Variants in DNM3 observed in about 807,000 individuals in gnomAD.
DNM3 encodes the protein dynamin 3, also known as dynamin-3.
In DNM3, 47 loss-of-function variants were observed where a neutral mutation model predicts 101.6. The observed-to-expected ratio is 0.46, with a 90% CI of 0.37 to 0.59. The LOEUF is 0.59. Ranked by LOEUF, DNM3 falls within the 20% of genes least tolerant of loss-of-function variation. The pLI, the probability that DNM3 is intolerant of heterozygous loss-of-function variation, is 0.00. For missense variants in DNM3, 849 were observed against 1,085.7 expected, an observed-to-expected ratio of 0.78 and a Z score of 3.06; for synonymous variants, 385 against 387.9, an observed-to-expected ratio of 0.99 and a Z score of 0.09.
intron 9 of DNM3, among the ~76,000 whole-genome samples, chr1:172,046,255 G>A (rs1011748124): frequency 6.6e-6 from 1 of 152,106 alleles, no homozygotes; most frequent in Non-Finnish European, 1.5e-5. Flanking sequence ...GTCCTTTGTA[G>A]GGACATGGAT....
chr1:171,882,925 A>G (rs1338429841), intron 1 of DNM3, among the ~76,000 whole-genome samples: 2 of 152,008 alleles, frequency 1.3e-5, no homozygotes, highest in Non-Finnish European at 1.5e-5. Context: ...CATTTTTCCT[A>G]TGACTCATAA....
intron 7 of DNM3, among the ~76,000 whole-genome samples, chr1:172,040,423 C>T (rs942495448): frequency 6.6e-6 from 1 of 151,306 alleles, no homozygotes; most frequent in Admixed American, 6.6e-5. Flanking sequence ...GAAAGTAGTT[C>T]CAGTATGTTT....
intron 12 of DNM3, among the ~76,000 whole-genome samples, chr1:172,084,364 G>C (rs2147761405): frequency 6.6e-6 from 1 of 152,120 alleles, no homozygotes; most frequent in Non-Finnish European, 1.5e-5. Flanking sequence ...TTGATTACTA[G>C]ATGTACCATT....
At chr1:171,904,269 C>CT (rs555493315) in intron 1 of DNM3, among the ~76,000 whole-genome samples, 116 of 152,286 alleles carry the variant, frequency 7.6e-4, no homozygotes, top group African/African-American at 2.6e-3. Context: ...GATTGTGCCA[C>CT]TGCATTCCAG....
At chr1:171,896,542 T>C (rs2037816705) in intron 1 of DNM3, among the ~76,000 whole-genome samples, 1 of 152,168 alleles carries the variant, frequency 6.6e-6, no homozygotes, top group South Asian at 2.1e-4. Flanking sequence ...CTTAAGGAGA[T>C]TTTGGGCTGA....
intron 1 of DNM3, among the ~76,000 whole-genome samples, chr1:171,885,702 G>A (rs1558212955): frequency 6.6e-6 from 1 of 152,126 alleles, no homozygotes; most frequent in East Asian, 1.9e-4. Context: ...AACCCATGTA[G>A]CAGGAAACTG....
At chr1:171,907,457 C>T (rs2038926830) in intron 1 of DNM3, among the ~76,000 whole-genome samples, 1 of 151,958 alleles carries the variant, frequency 6.6e-6, no homozygotes, top group Non-Finnish European at 1.5e-5. Flanking sequence ...CGCCATTGCA[C>T]CCCAGCCTGG....
chr1:171,892,164 T>C (rs2037343148), intron 1 of DNM3, among the ~76,000 whole-genome samples: 1 of 106,562 alleles, frequency 9.4e-6, no homozygotes, highest in Non-Finnish European at 2.0e-5. Context: ...CTCGTAATTG[T>C]GTGTGTGTGC....
chr1:172,287,169 A>G (rs1433612246), intron 15 of DNM3, among the ~76,000 whole-genome samples: 1 of 151,762 alleles, frequency 6.6e-6, no homozygotes, highest in Admixed American at 6.6e-5. Flanking sequence ...CTAACTCATC[A>G]CTCCCGCATT....
At chr1:171,901,781 A>G (rs1398287287) in intron 1 of DNM3, among the ~76,000 whole-genome samples, 1 of 152,206 alleles carries the variant, frequency 6.6e-6, no homozygotes, top group East Asian at 1.9e-4. Context: ...GAACAAGAAA[A>G]TGCCAACTGC....
At chr1:171,987,254 T>C in intron 2 of DNM3, 1 of 978,350 alleles carries the variant, frequency 1.0e-6, no homozygotes, top group Middle Eastern at 5.3e-4. Context: ...TAACTTGGCA[T>C]TCCATCCTGA....
At chr1:172,105,571 A>T (rs1483005963) in intron 13 of DNM3, among the ~76,000 whole-genome samples, 1 of 152,134 alleles carries the variant, frequency 6.6e-6, no homozygotes, top group African/African-American at 2.4e-5. Context: ...TTTTTTCAAA[A>T]ATGAGTTTTG....
chr1:172,119,211 C>T (rs919508855), intron 13 of DNM3, among the ~76,000 whole-genome samples: 2 of 151,870 alleles, frequency 1.3e-5, no homozygotes, highest in African/African-American at 4.8e-5. Flanking sequence ...AGGCTGGTCT[C>T]GAACTCCTGA....
chr1:172,322,005 C>T (rs976586871), intron 16 of DNM3, among the ~76,000 whole-genome samples: 5 of 152,022 alleles, frequency 3.3e-5, no homozygotes, highest in Non-Finnish European at 5.9e-5. Flanking sequence ...GGTTATATCA[C>T]GGCAACTCAC....
chr1:172,300,133 A>G (rs1040765101), intron 15 of DNM3, among the ~76,000 whole-genome samples: 1 of 152,006 alleles, frequency 6.6e-6, no homozygotes, highest in African/African-American at 2.4e-5. Flanking sequence ...TACTCTGATG[A>G]TTAGTAATGT....
intron 2 of DNM3, among the ~76,000 whole-genome samples, chr1:171,925,617 G>T (rs114780788): frequency 0.049 from 7,490 of 152,164 alleles, 271 homozygotes; most frequent in Non-Finnish European, 0.069. Flanking sequence ...TCCTTTATTG[G>T]ATGCATAGTT....
At chr1:172,229,042 C>A (rs980406536) in intron 14 of DNM3, among the ~76,000 whole-genome samples, 1 of 152,136 alleles carries the variant, frequency 6.6e-6, no homozygotes, top group Non-Finnish European at 1.5e-5. Flanking sequence ...TATCTATATG[C>A]TATTTCCATG....
chr1:172,088,123 T>C (rs1441688146), intron 12 of DNM3, among the ~76,000 whole-genome samples: 1 of 152,184 alleles, frequency 6.6e-6, no homozygotes, highest in Non-Finnish European at 1.5e-5. Context: ...TGCTAGGTAA[T>C]GTCAGTGATG....
intron 13 of DNM3, among the ~76,000 whole-genome samples, chr1:172,112,304 A>G (rs1327971656): frequency 1.3e-5 from 2 of 152,140 alleles, no homozygotes; most frequent in East Asian, 3.8e-4. Flanking sequence ...GAGAGGTTGG[A>G]TAACTTGTCT....
Sources: gnomAD v4.1 joint callset for allele counts (sites outside exome capture counted in the v4.1 genomes callset) on GRCh38, gnomAD v4.1.1 for gene constraint, MANE v1.5 for transcripts, NCBI Gene and HGNC (gene_info 2026-07-23, HGNC 2026-07-21) for gene names.